The following VTI1A variants were observed in gnomAD, a reference collection of about 807,000 sequenced individuals.
VTI1A encodes the protein vesicle transport through interaction with t-SNAREs homolog 1A.
A neutral mutation model predicts 34.9 loss-of-function variants in VTI1A; 22 were observed. The ratio of observed to expected loss-of-function variants is 0.63; its 90% CI spans 0.45 to 0.90. The LOEUF is 0.90. Among genes scored for constraint, VTI1A ranks in the 40% least tolerant of loss-of-function variants. The pLI is 0.00. For synonymous variants in VTI1A, 87 were observed against 97.3 expected (o/e 0.89, Z 0.62); for missense variants, 268 against 275.6 (o/e 0.97, Z 0.20).
At chr10:112,450,162 G>T (rs1162722173) in intron 1 of VTI1A, 2 of 152,190 alleles carry the variant, frequency 1.3e-5, no homozygotes, top group African/African-American at 4.8e-5. Context: ...AAAGTGCTGG[G>T]ATTACAGGCG....
At chr10:112,640,570 A>C (rs533881308) in intron 5 of VTI1A, among the ~76,000 whole-genome samples, 74 of 152,046 alleles carry the variant, frequency 4.9e-4, no homozygotes, top group African/African-American at 1.4e-3. Context: ...ACAAAAAAAA[A>C]CCCCACTAGC....
intron 5 of VTI1A, among the ~76,000 whole-genome samples, chr10:112,645,942 G>GTGT (rs1846763492): frequency 1.5e-5 from 2 of 137,324 alleles, no homozygotes; most frequent in African/African-American, 5.4e-5. Flanking sequence ...AATATACTGT[G>GTGT]TTTTTTTTTT....
intron 1 of VTI1A, among the ~76,000 whole-genome samples, chr10:112,451,006 T>G (rs1847216080): frequency 6.6e-6 from 1 of 152,238 alleles, no homozygotes. Flanking sequence ...GTAGTCTTTT[T>G]GCAATTAGTT....
At chr10:112,650,803 T>A (rs1429521878) in intron 5 of VTI1A, among the ~76,000 whole-genome samples, 1 of 152,212 alleles carries the variant, frequency 6.6e-6, no homozygotes, top group Non-Finnish European at 1.5e-5. Context: ...CTGTATGTCC[T>A]CTCAGTGAAG....
At chr10:112,492,326 T>C (rs1043451659) in intron 3 of VTI1A, among the ~76,000 whole-genome samples, 1 of 152,188 alleles carries the variant, frequency 6.6e-6, no homozygotes, top group Non-Finnish European at 1.5e-5. Flanking sequence ...AGAAACATCA[T>C]ATAAGGTACA....
At chr10:112,846,487 C>T in the VTI1A span, among the ~76,000 whole-genome samples, 12 of 151,762 alleles carry the variant, frequency 7.9e-5, no homozygotes, top group Admixed American at 1.3e-4. Context: ...GGCCAGTGGG[C>T]GGGATGTGGT....
chr10:112,530,113 C>G (rs893097076), intron 4 of VTI1A, among the ~76,000 whole-genome samples: 1 of 151,974 alleles, frequency 6.6e-6, no homozygotes, highest in African/African-American at 2.4e-5. Flanking sequence ...CATTTAATTC[C>G]AAATTAAATG....
chr10:112,547,070 A>T (rs1245958739), intron 5 of VTI1A, among the ~76,000 whole-genome samples: 1 of 152,212 alleles, frequency 6.6e-6, no homozygotes, highest in African/African-American at 2.4e-5. Context: ...ACTTGAACCC[A>T]GGAGTTGGAT....
intron 7 of VTI1A, among the ~76,000 whole-genome samples, chr10:112,727,728 AT>A (rs961906002): frequency 1.3e-5 from 2 of 152,006 alleles, no homozygotes; most frequent in African/African-American, 4.8e-5. Context: ...GAAGAATATA[AT>A]TTACTTAATT....
At chr10:112,840,973 G>A in the VTI1A span, among the ~76,000 whole-genome samples, 1 of 152,152 alleles carries the variant, frequency 6.6e-6, no homozygotes, top group Admixed American at 6.5e-5. Context: ...CTGCCATCTA[G>A]GACATGTGCC....
At chr10:112,794,721 C>T (rs909114426) in intron 7 of VTI1A, among the ~76,000 whole-genome samples, 1 of 151,814 alleles carries the variant, frequency 6.6e-6, no homozygotes, top group African/African-American at 2.4e-5. Context: ...TATTTGTAAC[C>T]CTTGCTTTTT....
At chr10:112,621,149 G>T (rs1208778021) in intron 5 of VTI1A, among the ~76,000 whole-genome samples, 3 of 152,162 alleles carry the variant, frequency 2.0e-5, no homozygotes, top group South Asian at 4.1e-4. Context: ...ATAGCTACAT[G>T]TAAGGACTTA....
In VTI1A at chr10:112,715,600, A is replaced by G. The variant is rs75072681; in HGVS notation, c.560+46602A>G. Among the ~76,000 whole-genome samples the G allele has an allele frequency of 2.6e-3, 400 of 152,272 alleles. 1 individual carries two copies. The highest frequency in any genetic ancestry group is 8.9e-3 in the African/African-American group (371 of 41,566). On this transcript the variant is annotated intron_variant, in intron 7 of 7. Coordinates refer to ENST00000393077, the MANE Select transcript of VTI1A (RefSeq NM_145206.4). ...TTTCATATGTTAAAAAAAAAACTTT[A>G]TCTCACGCTTTTCATCAAGAGCTGT...
intron 7 of VTI1A, among the ~76,000 whole-genome samples, chr10:112,725,270 T>G (rs563489645): frequency 7.9e-5 from 12 of 152,236 alleles, no homozygotes; most frequent in African/African-American, 2.9e-4. Context: ...ATTTTTGTCC[T>G]GTAGATTATC....
intron 3 of VTI1A, among the ~76,000 whole-genome samples, chr10:112,518,589 C>CTATATATATA (rs34659243): frequency 2.1e-5 from 2 of 94,336 alleles, no homozygotes; most frequent in African/African-American, 8.4e-5. Context: ...CTCTCTCTCT[C>CTATATATATA]TATATATATA....
chr10:112,747,020 C>A (rs997619639), intron 7 of VTI1A, among the ~76,000 whole-genome samples: 1 of 152,204 alleles, frequency 6.6e-6, no homozygotes, highest in Admixed American at 6.5e-5. Context: ...CAGTCACTTA[C>A]CCAGCGCAGT....
chr10:112,564,864 A>G (rs958774104), intron 5 of VTI1A, among the ~76,000 whole-genome samples: 2 of 152,176 alleles, frequency 1.3e-5, no homozygotes, highest in African/African-American at 4.8e-5. Context: ...AGTAGTAGCA[A>G]TGAGTGTTTG....
At chr10:112,839,174 A>T in the VTI1A span, among the ~76,000 whole-genome samples, 2 of 152,186 alleles carry the variant, frequency 1.3e-5, no homozygotes, top group Non-Finnish European at 2.9e-5. Flanking sequence ...TCATTCATCC[A>T]TTCACAGGGT....
intron 5 of VTI1A, among the ~76,000 whole-genome samples, chr10:112,572,321 A>T (rs1480464055): frequency 6.6e-6 from 1 of 152,190 alleles, no homozygotes; most frequent in Non-Finnish European, 1.5e-5. Flanking sequence ...GAAAGGTATG[A>T]GTGGTGGTAG....
Sources: gnomAD v4.1 joint callset for allele counts (sites outside exome capture counted in the v4.1 genomes callset) on GRCh38, gnomAD v4.1.1 for gene constraint, MANE v1.5 for transcripts, NCBI Gene and HGNC (gene_info 2026-07-23, HGNC 2026-07-21) for gene names.